Variants in NELL1 observed in about 807,000 individuals in gnomAD.
The protein encoded by NELL1 is protein kinase C-binding protein NELL1.
A neutral mutation model predicts 107.4 loss-of-function variants in NELL1; 76 were observed. That is an observed-to-expected ratio of 0.71 (90% CI 0.59 to 0.86). NELL1 has a LOEUF of 0.86. NELL1 is among the 40% of genes least tolerant of loss of function. NELL1 has a pLI of 0.00. For synonymous variants in NELL1, 353 were observed against 341.2 expected (o/e 1.03, Z -0.38); for missense variants, 1,024 against 1,005.5 (o/e 1.02, Z -0.25).
At chr11:20,876,618 A>C (rs1226227497) in intron 4 of NELL1, among the ~76,000 whole-genome samples, 1 of 152,178 alleles carries the variant, frequency 6.6e-6, no homozygotes, top group African/African-American at 2.4e-5. Flanking sequence ...CAAAAAAATT[A>C]GCTGGGCGCA....
intron 12 of NELL1, among the ~76,000 whole-genome samples, chr11:20,984,669 G>A (rs561129558): frequency 1.3e-5 from 2 of 151,584 alleles, no homozygotes; most frequent in South Asian, 2.1e-4. Flanking sequence ...GACTCCTACT[G>A]GATGCTGTTC....
chr11:20,729,715 C>A (rs1855587000), intron 2 of NELL1, among the ~76,000 whole-genome samples: 2 of 152,124 alleles, frequency 1.3e-5, no homozygotes, highest in South Asian at 2.1e-4. Context: ...TGGTTAAAGA[C>A]CTCCCTTATA....
At chr11:21,492,278 C>A (rs1854842244) in intron 15 of NELL1, among the ~76,000 whole-genome samples, 1 of 151,990 alleles carries the variant, frequency 6.6e-6, no homozygotes, top group Non-Finnish European at 1.5e-5. Flanking sequence ...GAAATAGGAA[C>A]ACTTTTACAC....
chr11:20,805,831 A>T (rs1210456586), intron 3 of NELL1, among the ~76,000 whole-genome samples: 1 of 152,246 alleles, frequency 6.6e-6, no homozygotes, highest in African/African-American at 2.4e-5. Context: ...ATCACAACTT[A>T]ACACCGAGTA....
At chr11:20,718,512 G>A (rs947282321) in intron 2 of NELL1, among the ~76,000 whole-genome samples, 2 of 151,494 alleles carry the variant, frequency 1.3e-5, no homozygotes, top group African/African-American at 4.8e-5. Context: ...CTTTCACTGA[G>A]CATCAGCTAT....
chr11:21,232,157 A>ATATATATATATAT (rs1284072980), intron 14 of NELL1, among the ~76,000 whole-genome samples: 12 of 51,030 alleles, frequency 2.4e-4, no homozygotes, highest in African/African-American at 5.8e-4. Flanking sequence ...TAAAAAAAAA[A>ATATATATATATAT]AAATATATAT....
chr11:21,469,083 A>G (rs1854106518), intron 15 of NELL1, among the ~76,000 whole-genome samples: 1 of 152,056 alleles, frequency 6.6e-6, no homozygotes, highest in South Asian at 2.1e-4. Flanking sequence ...TTGAAATGCC[A>G]AGGACCTCTA....
In NELL1 at chr11:21,359,006, G is replaced by A. The variant is rs150237568; in HGVS notation, c.1550-11847G>A. Among the ~76,000 whole-genome samples the A allele has an allele frequency of 3.0e-3, 450 of 152,112 alleles. 3 individuals carry two copies. Among genetic ancestry groups the A allele is most frequent in the African/African-American group, 0.01 (431 of 41,516 alleles). ...TTGATTGGTCTAGCTAGGACTTCCG[G>A]CACTATGTTGAATAGAAGTGGTAAA... On this transcript the variant is annotated intron_variant, in intron 14 of 19. Transcript: ENST00000357134.
In NELL1 at chr11:21,098,018, T is replaced by G. The variant is rs567395453; in HGVS notation, c.1301-15571T>G. 2.2e-3 allele frequency among the ~76,000 whole-genome samples: 328 copies of G among 151,238 alleles called. 6 individuals carry two copies. The highest frequency in any genetic ancestry group is 4.3e-4 in the Non-Finnish European group (29 of 67,870). Reference sequence around the variant, plus strand: ...CTACCCTGATCAGTTTGTAGTTTCATGCAGAGCATATATCCCCATTGTCCT... The same window carrying G: ...CTACCCTGATCAGTTTGTAGTTTCAGGCAGAGCATATATCCCCATTGTCCT... On this transcript the variant is annotated intron_variant, in intron 12 of 19. Transcript: ENST00000357134.
At chr11:21,256,242 CTT>C (rs1314752563) in intron 14 of NELL1, among the ~76,000 whole-genome samples, 1 of 151,980 alleles carries the variant, frequency 6.6e-6, no homozygotes, top group Non-Finnish European at 1.5e-5. Context: ...ACTGAGCAAT[CTT>C]TATATAATGT....
At chr11:21,449,315 A>G (rs556140065) in intron 15 of NELL1, among the ~76,000 whole-genome samples, 3 of 152,310 alleles carry the variant, frequency 2.0e-5, no homozygotes, top group East Asian at 1.9e-4. Context: ...CTAATGGCCA[A>G]TAATGTTTGA....
At chr11:20,700,427 C>T (rs1467828174) in intron 2 of NELL1, among the ~76,000 whole-genome samples, 3 of 151,866 alleles carry the variant, frequency 2.0e-5, no homozygotes, top group Non-Finnish European at 2.9e-5. Flanking sequence ...TGCAGTGATC[C>T]AAGGTAGTGC....
At chr11:21,384,665 C>A (rs200261978) in intron 15 of NELL1, among the ~76,000 whole-genome samples, 1 of 151,712 alleles carries the variant, frequency 6.6e-6, no homozygotes, top group Non-Finnish European at 1.5e-5. Flanking sequence ...TTTCATTGTT[C>A]AATTCCCACC....
At chr11:20,730,738 G>A (rs1397950635) in intron 2 of NELL1, among the ~76,000 whole-genome samples, 1 of 152,186 alleles carries the variant, frequency 6.6e-6, no homozygotes, top group African/African-American at 2.4e-5. Context: ...TTAACCTTGA[G>A]AGCAGCAGAC....
chr11:21,568,476 C>A (rs1282508991), intron 17 of NELL1, among the ~76,000 whole-genome samples: 1 of 151,612 alleles, frequency 6.6e-6, no homozygotes, highest in African/African-American at 2.4e-5. Context: ...AATAAATTAA[C>A]CTTAGCTTAT....
chr11:21,140,737 T>A (rs1855847748), intron 13 of NELL1, among the ~76,000 whole-genome samples: 1 of 152,206 alleles, frequency 6.6e-6, no homozygotes, highest in African/African-American at 2.4e-5. Context: ...TTGCTAGCTC[T>A]TTATAGAAAA....
intron 12 of NELL1, among the ~76,000 whole-genome samples, chr11:21,027,303 TA>T (rs1852838216): frequency 6.8e-6 from 1 of 148,054 alleles, no homozygotes; most frequent in South Asian, 2.1e-4. Flanking sequence ...TAGTTTAGTT[TA>T]GTTTAGTTTA....
rs369593748 is a variant in NELL1 at position 20,947,451 on chromosome 11, G to A, written c.1171+16G>A. On this transcript the variant is annotated intron_variant, in intron 11 of 19. Coordinates refer to ENST00000357134, the MANE Select transcript of NELL1 (RefSeq NM_006157.5). ...GTCTGTAGAGGTAAGTGGGCTTGGT[G>A]GTGGGCCATGCGTGGGGTGAGGCTG... 2 of 1,594,818 alleles carry A rather than the reference G, an allele frequency of 1.3e-6. No homozygotes were observed. The highest frequency in any genetic ancestry group is 1.3e-5 in the African/African-American group (1 of 74,510).
intron 12 of NELL1, among the ~76,000 whole-genome samples, chr11:21,025,353 C>T (rs1335358159): frequency 6.6e-6 from 1 of 151,890 alleles, no homozygotes; most frequent in East Asian, 1.9e-4. Context: ...AAAGCAGGGA[C>T]AGCAAGGTTA....
Sources: gnomAD v4.1 joint callset for allele counts (sites outside exome capture counted in the v4.1 genomes callset) on GRCh38, gnomAD v4.1.1 for gene constraint, MANE v1.5 for transcripts, NCBI Gene and HGNC (gene_info 2026-07-23, HGNC 2026-07-21) for gene names.